PIK3R2: variants seen among roughly 807,000 people sequenced by gnomAD.
PIK3R2 encodes phosphoinositide-3-kinase regulatory subunit 2.
Under a neutral mutation model 78.5 loss-of-function variants are expected in PIK3R2, and 40 were observed. The observed-to-expected ratio is 0.51, with a 90% CI of 0.40 to 0.66. The LOEUF (loss-of-function observed/expected upper bound fraction) is 0.66. PIK3R2 is among the 30% of genes least tolerant of loss of function. The pLI is 0.00. For missense variants in PIK3R2, 880 were observed against 1,026.6 expected (o/e 0.86, Z 1.95); for synonymous variants, 473 against 457.7 (o/e 1.03, Z -0.43).
intron 3 of PIK3R2, 152 bp from the exon 4 acceptor site, chr19:18,160,767 T>C: frequency 1.0e-6 from 1 of 982,160 alleles, no homozygotes; most frequent in East Asian, 2.6e-5. Flanking sequence ...CTGCATGTGC[T>C]GTGCCCTCTC....
In PIK3R2 at chr19:18,162,262, G is replaced by A. The variant is rs780319560; in HGVS notation, c.962G>A (p.Ser321Asn). The change falls in exon 8 of 16, where the codon AGC becomes AAC. Residue 321 changes from serine (S) to asparagine (N), a missense_variant. Around this residue, in one of 3 missense-constraint regions of PIK3R2, gnomAD observed 456 missense variants for 486.6 expected, o/e 0.94. Transcript: ENST00000222254. ...PASTVLANGG[S>N]PPSLQDAEWY... is the part of the protein sequence containing the mutation. Reference sequence around the variant, plus strand: ...TCCACAGTCCTGGCCAATGGAGGGAGCCCACCCTCCCTGCAGGATGCTGAG... The same window carrying A: ...TCCACAGTCCTGGCCAATGGAGGGAACCCACCCTCCCTGCAGGATGCTGAG... 1.2e-6 allele frequency: 2 copies of A among 1,611,560 alleles called. No homozygotes were observed. Among genetic ancestry groups the A allele is most frequent in the East Asian group, 4.5e-5 (2 of 44,856 alleles).
In PIK3R2 at chr19:18,169,315, G is replaced by C. The variant is rs2147961086; in HGVS notation, c.*21G>C. The C allele has an allele frequency of 7.2e-7, 1 of 1,385,844 alleles. No homozygotes were observed. The highest frequency in any genetic ancestry group is 9.3e-7 in the Non-Finnish European group (1 of 1,074,202). The allele number at this position is 1,385,844 out of a possible 1,614,324, so 85.8% of individuals were successfully genotyped here. ...GCTGAGCACCGAGGACCCGCCCCAA[G>C]CAGAGCCGCCCCTGGGCCCGTCTGC... On this transcript the variant is annotated 3_prime_UTR_variant, in exon 16 of 16. Coordinates refer to ENST00000222254, the MANE Select transcript of PIK3R2 (RefSeq NM_005027.4).
intron 11 of PIK3R2, among the ~76,000 whole-genome samples, chr19:18,164,900 T>G (rs1599981736): frequency 4.4e-5 from 1 of 22,776 alleles, no homozygotes; most frequent in African/African-American, 8.7e-5. Flanking sequence ...CCTCCCAAAG[T>G]TAAAAAAAAA....
chr19:18,162,258 G>A lies in PIK3R2; in HGVS notation c.958G>A (p.Gly320Arg). 6.2e-7 allele frequency: 1 copy of A among 1,611,546 alleles called. No individual in the cohort carries two copies. The highest frequency in any genetic ancestry group is 8.5e-7 in the Non-Finnish European group (1 of 1,178,062). The change falls in exon 8 of 16, where the codon GGG becomes AGG. Residue 320 changes from glycine to arginine, a missense_variant. Around this residue, in one of 3 missense-constraint regions of PIK3R2, gnomAD observed 456 missense variants for 486.6 expected, o/e 0.94. Transcript: ENST00000222254. ...KPASTVLANG[G>R]SPPSLQDAEW... ...GGCCTCCACAGTCCTGGCCAATGGAGGGAGCCCACCCTCCCTGCAGGATGC... is the reference window on the plus strand; with the variant it reads ...GGCCTCCACAGTCCTGGCCAATGGAAGGAGCCCACCCTCCCTGCAGGATGC...
intron 2 of PIK3R2, among the ~76,000 whole-genome samples, chr19:18,158,104 C>T (rs933179840): frequency 2.6e-4 from 40 of 152,286 alleles, no homozygotes; most frequent in African/African-American, 7.2e-4. Flanking sequence ...ATTAAGAAAA[C>T]GGGTCATGGT....
intron 3 of PIK3R2, 79 bp downstream of exon 3, chr19:18,160,642 CTCCAAGCTCATGCT>C: frequency 1.7e-6 from 2 of 1,152,890 alleles, no homozygotes; most frequent in Non-Finnish European, 2.6e-6. Flanking sequence ...CTCACAGGGC[CTCCAAGCTCATGCT>C]GCACGGAAAC....
At chr19:18,166,857 G>A (rs566656927) in intron 12 of PIK3R2, among the ~76,000 whole-genome samples, 3 of 151,946 alleles carry the variant, frequency 2.0e-5, no homozygotes, top group Non-Finnish European at 4.4e-5. Flanking sequence ...CCTGGAGGCC[G>A]GGTGCAGTGG....
intron 11 of PIK3R2, among the ~76,000 whole-genome samples, chr19:18,164,315 A>C (rs1339326013): frequency 1.3e-5 from 2 of 151,912 alleles, no homozygotes; most frequent in Admixed American, 6.6e-5. Context: ...AGGCACCTTG[A>C]TTACTTATGT....
Position 18,161,604 on chromosome 19 carries a change from G to C in PIK3R2, c.815+109G>C, listed in dbSNP as rs2043747729. The C allele has an allele frequency of 1.0e-5, 5 of 479,350 alleles. No homozygotes were observed. The allele number at this position is 479,350 out of a possible 1,614,324, so 29.7% of individuals were successfully genotyped here. A position where few individuals can be genotyped will look rare whatever the true frequency, so the allele number is the denominator to read the frequency against. On this transcript the variant is annotated intron_variant, in intron 6 of 15. Transcript: ENST00000222254. This position sits in a 1 kb window ranked among gnomAD's most constrained non-coding sequence, Gnocchi z 5.3. ...AGACCCTAAGAAGGGAGGGGATGGG[G>C]TCCAGAGTGAGAAGCTGCGTTCTTG...
At chr19:18,166,044 T>A in intron 11 of PIK3R2, 116 bp from the exon 12 acceptor site, 1 of 1,315,092 alleles carries the variant, frequency 7.6e-7, no homozygotes, top group South Asian at 1.2e-5. Context: ...AGAATGACAC[T>A]CTGATAGAGG....
intron 8 of PIK3R2, 38 bp downstream of exon 8, chr19:18,162,348 T>C: frequency 6.3e-7 from 1 of 1,590,096 alleles, no homozygotes. Flanking sequence ...CAAGGAGGTG[T>C]CACAGGGTGA....
intron 11 of PIK3R2, among the ~76,000 whole-genome samples, chr19:18,164,788 A>C (rs2043790327): frequency 6.7e-6 from 1 of 149,972 alleles, no homozygotes; most frequent in Admixed American, 6.6e-5. Flanking sequence ...GGCACGTGCC[A>C]CCATGCCTGG....
chr19:18,162,428 T>A lies in PIK3R2; in HGVS notation c.1031T>A (p.Leu344His). 1 of 1,613,374 alleles carries A rather than the reference T, an allele frequency of 6.2e-7. No homozygotes were observed. Among genetic ancestry groups the A allele is most frequent in the Non-Finnish European group, 8.5e-7 (1 of 1,179,932 alleles). ...CACAGGGAGGAGGTGAACGAGAAACTCCGGGACACTCCCGATGGCACCTTC... is the reference window on the plus strand; with the variant it reads ...CACAGGGAGGAGGTGAACGAGAAACACCGGGACACTCCCGATGGCACCTTC... Reference protein sequence around the residue: ...DISREEVNEKLRDTPDGTFLV... With the variant: ...DISREEVNEKHRDTPDGTFLV... The change falls in exon 9 of 16, where the codon CTC (leucine) becomes CAC (histidine). Residue 344 changes from leucine to histidine, a missense_variant. Physicochemically the swap from Leu to His is moderately conservative, Grantham distance 99. Coordinates refer to ENST00000222254, the MANE Select transcript of PIK3R2 (RefSeq NM_005027.4).
chr19:18,164,218 A>T (rs1362543947), intron 11 of PIK3R2, among the ~76,000 whole-genome samples: 1 of 152,222 alleles, frequency 6.6e-6, no homozygotes, highest in Admixed American at 6.5e-5. Flanking sequence ...CCAGCCTCAC[A>T]GGAGTGGCTG....
rs764266743 is a variant in PIK3R2 at position 18,169,163 on chromosome 19, T to A, written c.2056T>A (p.Tyr686Asn). The A allele has an allele frequency of 1.9e-6, 3 of 1,610,992 alleles. No homozygotes were observed. The change falls in exon 16 of 16, where the codon TAC (tyrosine) becomes AAC (asparagine). Residue 686 changes from tyrosine (Y) to asparagine (N), a missense_variant. This residue lies in a region of PIK3R2 where 268 missense variants were observed against 299.1 expected (regional missense o/e 0.90). Transcript: ENST00000222254. ...CGGCTTCGCGGAGCCCTACAACCTG[T>A]ACGGGTCGCTGAAGGAGCTGGTGCT... ...GFGFAEPYNL[Y>N]GSLKELVLHY... is the part of the protein sequence containing the mutation.
chr19:18,168,882 C>G lies in PIK3R2; in HGVS notation c.1965C>G (p.Tyr655Ter). The change falls in exon 15 of 16, where the codon TAC becomes TAG. Residue 655 changes from tyrosine (Y) to a stop codon, truncating the protein, a stop_gained. Coordinates refer to ENST00000222254, the MANE Select transcript of PIK3R2 (RefSeq NM_005027.4). LOFTEE classifies it high-confidence loss of function. This position sits in a 1 kb window ranked among gnomAD's most constrained non-coding sequence, Gnocchi z 4.1. ...LIRESSQRGC[Y>*]ACSVVVDGDT... ...GCGAGAGCAGCCAGCGGGGCTGCTACGCCTGCTCCGTGGTGTGAGTGGACC... is the reference window on the plus strand; with the variant it reads ...GCGAGAGCAGCCAGCGGGGCTGCTAGGCCTGCTCCGTGGTGTGAGTGGACC... The G allele has an allele frequency of 6.2e-7, 1 of 1,612,692 alleles. No individual in the cohort carries two copies. The highest frequency in any genetic ancestry group is 2.2e-5 in the East Asian group (1 of 44,824).
rs376737972 is a variant in PIK3R2, at chr19:18,162,275, G to A, written c.975G>A (p.Leu325=). The A allele has an allele frequency of 3.1e-6, 5 of 1,610,222 alleles. No individual in the cohort carries two copies. In the African/African-American group the frequency reaches 6.7e-5, roughly 22 times the overall value. ...CCAATGGAGGGAGCCCACCCTCCCT[G>A]CAGGATGCTGAGTGGTACTGGGGGG... ...VLANGGSPPS[L]QDAEWYWGDI... is the part of the protein sequence containing the mutation. The change falls in exon 8 of 16, where the codon CTG becomes CTA. Residue 325 remains leucine, a synonymous_variant. Transcript: ENST00000222254.
Position 18,169,461 on chromosome 19 carries a change from C to A in PIK3R2, c.*167C>A. On this transcript the variant is annotated 3_prime_UTR_variant, in exon 16 of 16. Coordinates refer to ENST00000222254, the MANE Select transcript of PIK3R2 (RefSeq NM_005027.4). ...CCTCTTTCTCTTTCCTTCCCTCCCC[C>A]ATTCTCCAGATCTCCCTCTGTCTCC... is the stretch of plus-strand genomic sequence containing the variant. 1 of 365,132 alleles carries A rather than the reference C, an allele frequency of 2.7e-6. No homozygotes were observed. Among genetic ancestry groups the A allele is most frequent in the South Asian group, 8.8e-5 (1 of 11,350 alleles). 22.6% of individuals were successfully genotyped at this position (365,132 alleles called of 1,614,324 possible).
chr19:18,162,354 G>T (rs775332376), intron 8 of PIK3R2, 44 bp downstream of exon 8: 1 of 1,594,320 alleles, frequency 6.3e-7, no homozygotes, highest in Non-Finnish European at 8.6e-7. Context: ...GGTGTCACAG[G>T]GTGAGCGGGG....
Sources: allele counts gnomAD v4.1 joint callset (sites outside exome capture counted in the v4.1 genomes callset), GRCh38; gene constraint gnomAD v4.1.1; regional missense constraint gnomAD v4.1.1; non-coding constraint Gnocchi (gnomAD v3.1); transcripts MANE v1.5; gene names NCBI Gene and HGNC (gene_info 2026-07-23, HGNC 2026-07-21).